VWF: variants seen among roughly 807,000 people sequenced by gnomAD.
The protein encoded by VWF is Factor VIII related antigen.
In VWF, 176 loss-of-function variants were observed where a neutral mutation model predicts 308.6. The observed-to-expected ratio is 0.57, with a 90% CI of 0.50 to 0.65. The LOEUF (loss-of-function observed/expected upper bound fraction) is 0.65, where lower values mean the gene tolerates loss of function less well. Among genes scored for constraint, VWF ranks in the 30% least tolerant of loss-of-function variants. VWF has a pLI of 0.00. For missense variants in VWF, 3,146 were observed against 3,648.2 expected (o/e 0.86, Z 3.55); for synonymous variants, 1,385 against 1,443.4 (o/e 0.96, Z 0.92).
At chr12:6,001,682 T>TA (rs1943875182) in intron 34 of VWF, among the ~76,000 whole-genome samples, 1 of 152,012 alleles carries the variant, frequency 6.6e-6, no homozygotes, top group African/African-American at 2.4e-5. Context: ...ACCAGATAGA[T>TA]AAAATGGGGA....
intron 40 of VWF, 119 bp downstream of exon 40, chr12:5,984,926 A>C: frequency 9.0e-7 from 1 of 1,107,702 alleles, no homozygotes; most frequent in South Asian, 1.3e-5. Flanking sequence ...GTCGGTCCTT[A>C]CCCACCTCCT....
In VWF at chr12:6,019,757, C is replaced by T. The variant is rs1369248196; in HGVS notation, c.3675-14G>A. The T allele has an allele frequency of 5.0e-5, 80 of 1,604,920 alleles. No homozygotes were observed. Among genetic ancestry groups the T allele is most frequent in the East Asian group, 3.1e-4 (14 of 44,704 alleles). On this transcript the variant is annotated splice_polypyrimidine_tract_variant and intron_variant, in intron 27 of 51. Coordinates refer to ENST00000261405, the MANE Select transcript of VWF (RefSeq NM_000552.5). This position sits in a 1 kb window ranked among gnomAD's most constrained non-coding sequence, Gnocchi z 5.8. ...ACATCACAGTGGCTGCAGAAAAGAG[C>T]GAAGAAATTAAAATGGTTCAGGAAG... is the stretch of plus-strand genomic sequence containing the variant.
intron 47 of VWF, 42 bp downstream of exon 47, chr12:5,967,444 G>A (rs370959569): frequency 1.2e-4 from 190 of 1,556,632 alleles, no homozygotes; most frequent in South Asian, 2.2e-4. Context: ...GGTCCCACAC[G>A]CGTCCAGTCC....
At chr12:6,041,227 C>T (rs990244811) in intron 18 of VWF, among the ~76,000 whole-genome samples, 1 of 151,836 alleles carries the variant, frequency 6.6e-6, no homozygotes, top group African/African-American at 2.4e-5. Flanking sequence ...GTCAGGAGTT[C>T]GAGACCAGCC....
intron 5 of VWF, among the ~76,000 whole-genome samples, chr12:6,108,065 G>A (rs1038169760): frequency 5.3e-5 from 8 of 151,872 alleles, no homozygotes; most frequent in Non-Finnish European, 1.2e-4. Flanking sequence ...AGGCAGAGGC[G>A]GAGAGATCAC....
intron 13 of VWF, among the ~76,000 whole-genome samples, chr12:6,061,072 G>T (rs1480998283): frequency 1.3e-5 from 2 of 152,116 alleles, no homozygotes; most frequent in Non-Finnish European, 2.9e-5. Context: ...ATGATGGTGG[G>T]CACCTGTAAT....
At chr12:6,057,446 G>A (rs554523605) in intron 14 of VWF, among the ~76,000 whole-genome samples, 1 of 147,528 alleles carries the variant, frequency 6.8e-6, no homozygotes, top group Admixed American at 6.8e-5. Flanking sequence ...CCAAGTAGTT[G>A]GGATTACAGG....
intron 5 of VWF, 112 bp from the exon 6 acceptor site, chr12:6,095,696 TAA>T: frequency 6.7e-7 from 1 of 1,503,694 alleles, no homozygotes; most frequent in Non-Finnish European, 9.2e-7. Context: ...TAATTTTTTA[TAA>T]AGAGACAGGG....
In VWF at chr12:6,057,018, C is replaced by A. The variant is rs868839018; in HGVS notation, c.1784G>T (p.Cys595Phe). Residue 595 changes from cysteine (C) to phenylalanine (F), a missense_variant, in exon 15 of 52, where the codon TGC becomes TTC. Cys to Phe is a radical substitution (Grantham distance 205). Around this residue, in one of 3 missense-constraint regions of VWF, gnomAD observed 1,304 missense variants for 1,353.0 expected, o/e 0.96. Coordinates refer to ENST00000261405, the MANE Select transcript of VWF (RefSeq NM_000552.5). ...AVLTSPTFEACHRAVSPLPYL... is the reference protein window; with the variant it reads ...AVLTSPTFEAFHRAVSPLPYL... ...GGGCAGCGGGCTGACGGCACGATGG[C>A]AGGCCTCGAATGTGGGGGACGTCAG... is the stretch of plus-strand genomic sequence containing the variant. The A allele has an allele frequency of 6.4e-7, 1 of 1,550,426 alleles. No individual in the cohort carries two copies.
Position 6,110,969 on chromosome 12 carries a change from CT to C in VWF, c.221-2del. On this transcript the variant is annotated splice_acceptor_variant, in intron 3 of 51. Transcript: ENST00000261405. LOFTEE classifies it high-confidence loss of function. ...ACTCTCTTGCCATTCTGGAAGTCCC[CT>C]GAAAGAGAAAAAAGTCAATAGTAGT... 6.2e-7 allele frequency: 1 copy of C among 1,613,636 alleles called. No individual in the cohort carries two copies. Among genetic ancestry groups the C allele is most frequent in the East Asian group, 2.2e-5 (1 of 44,866 alleles).
At chr12:6,108,171 G>A (rs758061409) in intron 5 of VWF, among the ~76,000 whole-genome samples, 1 of 151,714 alleles carries the variant, frequency 6.6e-6, no homozygotes, top group Non-Finnish European at 1.5e-5. Context: ...ACACCTGGAT[G>A]TAGTCCCAGC....
rs142452106 is a variant in VWF at position 5,976,171 on chromosome 12, G to C, written c.7377C>G (p.Ala2459=). 1 of 1,613,938 alleles carries C rather than the reference G, an allele frequency of 6.2e-7. No homozygotes were observed. Among genetic ancestry groups the C allele is most frequent in the African/African-American group, 1.3e-5 (1 of 74,900 alleles). Residue 2459 remains alanine (A), a synonymous_variant, in exon 43 of 52, where the codon GCC becomes GCG. Transcript: ENST00000261405. ...ACTGGGCCACGCGGAGGCCCATCAC[G>C]GCATCCTCCATGTCGGTGCAGGTGC... is the stretch of plus-strand genomic sequence containing the variant. ...DVCTCTDMED[A]VMGLRVAQCS...
In VWF at chr12:6,034,691, CA is replaced by C. The variant is rs748924210; in HGVS notation, c.2681del (p.Val894GlyfsTer15). ...TCCCCATCTCCCCACCTCTCACCTG[CA>C]CCAGAACGTACTGGCACTCCCCGGG... is the stretch of plus-strand genomic sequence containing the variant. ...LFPGECQYVL[V>X]QDYCGSNPGT... On this transcript the variant is annotated frameshift_variant, in exon 20 of 52. Coordinates refer to ENST00000261405, the MANE Select transcript of VWF (RefSeq NM_000552.5). LOFTEE classifies it high-confidence loss of function. 1 of 1,614,054 alleles carries C rather than the reference CA, an allele frequency of 6.2e-7. No homozygotes were observed. The highest frequency in any genetic ancestry group is 1.1e-5 in the South Asian group (1 of 91,080).
intron 49 of VWF, among the ~76,000 whole-genome samples, chr12:5,952,088 T>C (rs556075991): frequency 3.0e-4 from 45 of 152,340 alleles, no homozygotes; most frequent in Non-Finnish European, 5.4e-4. Context: ...CTGAATTCTC[T>C]TCCAGTTGAG....
At chr12:6,055,759 T>TACACACAC (rs775653228) in intron 15 of VWF, among the ~76,000 whole-genome samples, 11,944 of 65,864 alleles carry the variant, frequency 0.18, 779 homozygotes, top group East Asian at 0.35. Context: ...TATATATATG[T>TACACACAC]ATACACACAC....
chr12:6,092,673 G>GTGTGTGTGT (rs1356836169), intron 6 of VWF, among the ~76,000 whole-genome samples: 4 of 123,716 alleles, frequency 3.2e-5, no homozygotes, highest in Admixed American at 7.6e-5. Context: ...GTGTGTGTGT[G>GTGTGTGTGT]CTGACCAGCA....
At position 5,953,601 on chromosome 12, in the gene VWF, C is replaced by G. The variant is rs777300642; in HGVS notation, c.7888-7G>C. Reference sequence around the variant, plus strand: ...TATTTTCTTCCTTGTAACCCTGCATCCAGAGGGGGAAAAAGCAGCCATAGT... The same window carrying G: ...TATTTTCTTCCTTGTAACCCTGCATGCAGAGGGGGAAAAAGCAGCCATAGT... On this transcript the variant is annotated splice_region_variant and splice_polypyrimidine_tract_variant and intron_variant, in intron 47 of 51. Transcript: ENST00000261405. 5 of 1,612,772 alleles carry G rather than the reference C, an allele frequency of 3.1e-6. No homozygotes were observed. In the South Asian group the frequency reaches 5.5e-5, roughly 18 times the overall value.
chr12:6,112,307 G>A (rs753786671), intron 3 of VWF, among the ~76,000 whole-genome samples: 6 of 152,196 alleles, frequency 3.9e-5, no homozygotes, highest in African/African-American at 7.2e-5. Context: ...TTTTCACAGC[G>A]TGACCAAAGC....
rs947166666 is a variant in VWF, at chr12:6,063,452, C to T, written c.1433-398G>A. On this transcript the variant is annotated intron_variant, in intron 12 of 51. Coordinates refer to ENST00000261405, the MANE Select transcript of VWF (RefSeq NM_000552.5). This position sits in a 1 kb window ranked among gnomAD's most constrained non-coding sequence, Gnocchi z 4.9. ...CACTGCACACCACCTCATGTCTGAG[C>T]GATGCTGTGTACGACACTGAATACA... is the stretch of plus-strand genomic sequence containing the variant. Among the ~76,000 whole-genome samples, 4 of 152,248 alleles carry T rather than the reference C, an allele frequency of 2.6e-5. 1 individual carries two copies. The South Asian group carries it at 6.2e-4, about 24-fold the overall frequency.
Sources: allele counts gnomAD v4.1 joint callset (sites outside exome capture counted in the v4.1 genomes callset), GRCh38; gene constraint gnomAD v4.1.1; regional missense constraint gnomAD v4.1.1; non-coding constraint Gnocchi (gnomAD v3.1); transcripts MANE v1.5; gene names NCBI Gene and HGNC (gene_info 2026-07-23, HGNC 2026-07-21).